TBC1D22A: variants seen among roughly 807,000 people sequenced by gnomAD.
TBC1D22A encodes putative GTPase activator.
A neutral mutation model predicts 60.2 loss-of-function variants in TBC1D22A; 38 were observed. The observed-to-expected ratio is 0.63, with a 90% confidence interval of 0.49 to 0.83. The LOEUF is 0.83. TBC1D22A is among the 40% of genes least tolerant of loss of function. The pLI, the probability that TBC1D22A is intolerant of heterozygous loss-of-function variation, is 0.00. For synonymous variants in TBC1D22A, 302 were observed against 281.7 expected (o/e 1.07, Z -0.72); for missense variants, 628 against 701.0 (o/e 0.90, Z 1.18).
intron 1 of TBC1D22A, chr22:46,774,122 GC>G: frequency 6.1e-6 from 6 of 985,674 alleles, no homozygotes; most frequent in Non-Finnish European, 7.2e-6. Context: ...GCTGCTGCCT[GC>G]TGGGCCTGCC....
intron 4 of TBC1D22A, among the ~76,000 whole-genome samples, chr22:46,827,125 G>T (rs1008135478): frequency 3.3e-5 from 5 of 152,134 alleles, no homozygotes; most frequent in African/African-American, 1.2e-4. Context: ...TAAGTGCCAC[G>T]ATTCCTCAGC....
At chr22:47,167,281 A>G (rs4823607) in intron 12 of TBC1D22A, among the ~76,000 whole-genome samples, 95,047 of 152,088 alleles carry the variant, frequency 0.62, 29,981 homozygotes, top group East Asian at 0.72. Flanking sequence ...CGTGGGCACC[A>G]GAAGCCCCGT....
chr22:46,799,419 T>C (rs1018282893), intron 4 of TBC1D22A, among the ~76,000 whole-genome samples: 7 of 152,200 alleles, frequency 4.6e-5, no homozygotes, highest in Admixed American at 1.3e-4. Context: ...CGCTGCATAT[T>C]TCCTAAGCAC....
intron 12 of TBC1D22A, among the ~76,000 whole-genome samples, chr22:47,129,547 G>C (rs2066608782): frequency 6.6e-6 from 1 of 152,174 alleles, no homozygotes; most frequent in Non-Finnish European, 1.5e-5. Flanking sequence ...TCACGAAGTG[G>C]GTGGTGACCC....
At chr22:46,869,717 A>G (rs1451446453) in intron 4 of TBC1D22A, among the ~76,000 whole-genome samples, 1 of 152,236 alleles carries the variant, frequency 6.6e-6, no homozygotes, top group Non-Finnish European at 1.5e-5. Flanking sequence ...TGCAGTGCAC[A>G]TGCATTTCTT....
In TBC1D22A at chr22:47,173,924, C is replaced by T; in HGVS notation, c.*298C>T. On this transcript the variant is annotated 3_prime_UTR_variant, in exon 13 of 13. Transcript: ENST00000337137. ...CTGCAATGTCCTTGCCAAATGACTGCCTCGTGCTGCCCCTAGTCCGGGGCA... is the reference window on the plus strand; with the variant it reads ...CTGCAATGTCCTTGCCAAATGACTGTCTCGTGCTGCCCCTAGTCCGGGGCA... 3.0e-6 allele frequency: 1 copy of T among 336,444 alleles called. No individual in the cohort carries two copies. The highest frequency in any genetic ancestry group is 5.6e-6 in the Non-Finnish European group (1 of 177,928). 20.8% of individuals were successfully genotyped at this position (336,444 alleles called of 1,614,324 possible). A position where few individuals can be genotyped will look rare whatever the true frequency, so the allele number is the denominator to read the frequency against.
intron 11 of TBC1D22A, among the ~76,000 whole-genome samples, chr22:47,076,803 C>A (rs990019446): frequency 3.3e-5 from 5 of 151,980 alleles, no homozygotes; most frequent in African/African-American, 4.8e-5. Flanking sequence ...AAAAGAATAT[C>A]ATCTCCCTGT....
At position 46,839,926 on chromosome 22, in the gene TBC1D22A, C is replaced by T. The variant is rs79315713; in HGVS notation, c.638-38727C>T. Among the ~76,000 whole-genome samples, 388 of 152,254 alleles carry T rather than the reference C, an allele frequency of 2.5e-3. 1 individual carries two copies. Among genetic ancestry groups the T allele is most frequent in the African/African-American group, 8.9e-3 (368 of 41,560 alleles). Reference sequence around the variant, plus strand: ...AGAATGAAATTCGACCCTTAACTCACGGCATATACAAAAGTCAACTTAAAA... The same window carrying T: ...AGAATGAAATTCGACCCTTAACTCATGGCATATACAAAAGTCAACTTAAAA... On this transcript the variant is annotated intron_variant, in intron 4 of 12. Transcript: ENST00000337137.
intron 12 of TBC1D22A, among the ~76,000 whole-genome samples, chr22:47,158,890 C>T (rs750457555): frequency 2.0e-5 from 3 of 152,084 alleles, no homozygotes; most frequent in Non-Finnish European, 2.9e-5. Flanking sequence ...GCCACACACA[C>T]ACACACCACA....
intron 12 of TBC1D22A, among the ~76,000 whole-genome samples, chr22:47,144,206 C>A (rs1476495608): frequency 6.6e-6 from 1 of 152,226 alleles, no homozygotes; most frequent in African/African-American, 2.4e-5. Context: ...ACCGTGCTCA[C>A]TTCTCATCGC....
Position 47,174,152 on chromosome 22 carries a change from T to C in TBC1D22A, c.*526T>C, listed in dbSNP as rs2068592707. ...AGGTCCCCTCACAGCTGTATTTCAC[T>C]GCTGCTGGCCCTTTCCCTCCGTGTG... On this transcript the variant is annotated 3_prime_UTR_variant, in exon 13 of 13. Coordinates refer to ENST00000337137, the MANE Select transcript of TBC1D22A (RefSeq NM_014346.5). 1 of 153,588 alleles carries C rather than the reference T, an allele frequency of 6.5e-6. No individual in the cohort carries two copies. Among genetic ancestry groups the C allele is most frequent in the South Asian group, 2.1e-4 (1 of 4,870 alleles). 9.5% of individuals were successfully genotyped at this position (153,588 alleles called of 1,614,324 possible).
chr22:46,795,766 C>A (rs1310380385), intron 3 of TBC1D22A, among the ~76,000 whole-genome samples: 1 of 152,244 alleles, frequency 6.6e-6, no homozygotes, highest in Non-Finnish European at 1.5e-5. Flanking sequence ...ATGGGCTCTG[C>A]TCAGGAGTGA....
intron 1 of TBC1D22A, among the ~76,000 whole-genome samples, chr22:46,784,032 A>C (rs1197579963): frequency 3.9e-5 from 6 of 152,218 alleles, no homozygotes; most frequent in African/African-American, 1.4e-4. Flanking sequence ...TTAATTCATT[A>C]AAAAGTTTAT....
At chr22:46,868,510 T>A (rs1260361235) in intron 4 of TBC1D22A, among the ~76,000 whole-genome samples, 2 of 152,070 alleles carry the variant, frequency 1.3e-5, no homozygotes, top group Non-Finnish European at 2.9e-5. Flanking sequence ...GATCCCAAGC[T>A]TTTTGGATAA....
rs752584729 is a variant in TBC1D22A, at chr22:46,792,762, G to T, written c.119+186G>T. ...CTGTGCACCCCGTGCTGCGCATCCCGGTGAAGACGGCGGATGTGGGAGCCA... is the reference window on the plus strand; with the variant it reads ...CTGTGCACCCCGTGCTGCGCATCCCTGTGAAGACGGCGGATGTGGGAGCCA... On this transcript the variant is annotated intron_variant, in intron 2 of 12. Transcript: ENST00000337137. The T allele has an allele frequency of 3.4e-6, 5 of 1,471,288 alleles. No homozygotes were observed. The African/African-American group carries it at 4.2e-5, about 12-fold the overall frequency. 91.1% of individuals were successfully genotyped at this position (1,471,288 alleles called of 1,614,324 possible). A position where few individuals can be genotyped will look rare whatever the true frequency, so the allele number is the denominator to read the frequency against.
chr22:46,880,914 A>G (rs1413387929), intron 5 of TBC1D22A, among the ~76,000 whole-genome samples: 1 of 152,160 alleles, frequency 6.6e-6, no homozygotes, highest in Non-Finnish European at 1.5e-5. Context: ...GTCGTTGCAA[A>G]TGTTGGGTGC....
intron 8 of TBC1D22A, among the ~76,000 whole-genome samples, chr22:46,968,584 G>T (rs1224128902): frequency 6.7e-6 from 1 of 149,666 alleles, no homozygotes; most frequent in African/African-American, 2.5e-5. Flanking sequence ...GTGGCCGGCG[G>T]TCCTGAGTGG....
At chr22:47,004,223 AC>A (rs143406204) in intron 10 of TBC1D22A, among the ~76,000 whole-genome samples, 2,037 of 147,666 alleles carry the variant, frequency 0.014, 46 homozygotes, top group African/African-American at 0.048. Flanking sequence ...CCCTACACAC[AC>A]CCCTATATAC....
intron 7 of TBC1D22A, among the ~76,000 whole-genome samples, chr22:46,906,767 A>G (rs2069500486): frequency 6.7e-6 from 1 of 148,304 alleles, no homozygotes; most frequent in Admixed American, 6.7e-5. Context: ...TGTGTCCCAG[A>G]TGGACCCTGA....
Sources: allele counts gnomAD v4.1 joint callset (sites outside exome capture counted in the v4.1 genomes callset), GRCh38; gene constraint gnomAD v4.1.1; transcripts MANE v1.5; gene names NCBI Gene and HGNC (gene_info 2026-07-23, HGNC 2026-07-21).